Variants in ARHGDIG observed in about 807,000 individuals in gnomAD.
The protein encoded by ARHGDIG is rho GDP-dissociation inhibitor 3.
In ARHGDIG, 14 loss-of-function variants were observed where a neutral mutation model predicts 20.2. That is an observed-to-expected ratio of 0.69 (90% CI 0.46 to 1.08). The LOEUF (loss-of-function observed/expected upper bound fraction) is 1.08, where lower values mean the gene tolerates loss of function less well. ARHGDIG is among the 50% of genes least tolerant of loss of function. The pLI, the probability that ARHGDIG is intolerant of heterozygous loss-of-function variation, is 0.00. For synonymous variants in ARHGDIG, 193 were observed against 138.6 expected (o/e 1.39, Z -2.76); for missense variants, 311 against 301.8 (o/e 1.03, Z -0.23).
intron 5 of ARHGDIG, 28 bp downstream of exon 5, chr16:282,558 C>CGGGGGGGGAAAGGGGGG (rs2052298619): frequency 1.1e-5 from 14 of 1,313,258 alleles, no homozygotes; most frequent in Admixed American, 9.9e-5. Context: ...GGGAACGGGG[C>CGGGGGGGGAAAGGGGGG]GGGGGGGGGA....
chr16:282,191 C>T, intron 3 of ARHGDIG, 83 bp downstream of exon 3: 1 of 1,603,554 alleles, frequency 6.2e-7, no homozygotes, highest in South Asian at 1.1e-5. Context: ...GAGCCCTGGG[C>T]CATCACAGTC....
At chr16:282,198 A>C in intron 3 of ARHGDIG, 90 bp downstream of exon 3, 4 of 1,604,568 alleles carry the variant, frequency 2.5e-6, no homozygotes, top group Non-Finnish European at 3.4e-6. Context: ...GGGCCATCAC[A>C]GTCGCACACC....
At position 280,618 on chromosome 16, in the gene ARHGDIG, G is replaced by GGGC. The variant is rs1280915324; in HGVS notation, c.-54_-52dup. On this transcript the variant is annotated 5_prime_UTR_variant, in exon 1 of 6. Transcript: ENST00000219409. This position sits in a 1 kb window ranked among gnomAD's most constrained non-coding sequence, Gnocchi z 6.6. ...TCGCGCCGGGGCTGAGCGCCGAGCG[G>GGGC]GGCGGCGGCGGGGCGGGCGGCGGCT... 3.3e-5 allele frequency: 26 copies of GGGC among 790,756 alleles called. No individual in the cohort carries two copies. The highest frequency in any genetic ancestry group is 4.0e-5 in the Non-Finnish European group (26 of 656,758). The allele number at this position is 790,756 out of a possible 1,614,324, so 49.0% of individuals were successfully genotyped here. A position where few individuals can be genotyped will look rare whatever the true frequency, so the allele number is the denominator to read the frequency against.
At chr16:282,558 C>T (rs1411836023) in intron 5 of ARHGDIG, 28 bp downstream of exon 5, 6 of 1,313,276 alleles carry the variant, frequency 4.6e-6, no homozygotes, top group Non-Finnish European at 6.1e-6. Context: ...GGGAACGGGG[C>T]GGGGGGGGGA....
intron 3 of ARHGDIG, 26 bp from the exon 4 acceptor site, chr16:282,271 G>C: frequency 6.2e-7 from 1 of 1,612,878 alleles, no homozygotes; most frequent in Admixed American, 1.7e-5. Flanking sequence ...GGGGAGTTCC[G>C]ACCCTAGCTG....
At position 282,044 on chromosome 16, in the gene ARHGDIG, G is replaced by T. The variant is rs2052291528; in HGVS notation, c.273G>T (p.Val91=). 6.2e-7 allele frequency: 1 copy of T among 1,612,614 alleles called. No homozygotes were observed. Among genetic ancestry groups the T allele is most frequent in the Non-Finnish European group, 8.5e-7 (1 of 1,179,940 alleles). Residue 91 remains valine, a synonymous_variant, in exon 3 of 6, where the codon GTG becomes GTT. Transcript: ENST00000219409. ...PPAVDPSLPN[V]QVTRLTLLSE... ...CCTCAGACCCAAGCCTGCCCAATGT[G>T]CAGGTGACCAGGCTGACACTCCTGT...
In ARHGDIG at chr16:282,628, C is replaced by T. The variant is rs1254516855; in HGVS notation, c.492C>T (p.Val164=). ...YRRGLRVDKT[V]YMVGSYGPSA... ...CGCCCTCCCTAGTGGACAAGACCGT[C>T]TACATGGTGGGCAGCTATGGCCCGA... Residue 164 remains valine (V), a synonymous_variant, in exon 6 of 6, where the codon GTC becomes GTT. Coordinates refer to ENST00000219409, the MANE Select transcript of ARHGDIG (RefSeq NM_001176.4). 19 of 1,597,348 alleles carry T rather than the reference C, an allele frequency of 1.2e-5. No individual in the cohort carries two copies. Among genetic ancestry groups the T allele is most frequent in the Non-Finnish European group, 1.5e-5 (18 of 1,171,894 alleles).
At chr16:282,184 C>T in intron 3 of ARHGDIG, 76 bp downstream of exon 3, 1 of 1,605,342 alleles carries the variant, frequency 6.2e-7, no homozygotes, top group Non-Finnish European at 8.5e-7. Context: ...GAGTTCCGAG[C>T]CCTGGGCCAT....
At chr16:281,632 CCCTTGAGTCCCTTTGG>C in intron 1 of ARHGDIG, 98 bp from the exon 2 acceptor site, 1 of 1,256,506 alleles carries the variant, frequency 8.0e-7, no homozygotes, top group Non-Finnish European at 1.1e-6. Context: ...CCAGAGGCTT[CCCTTGAGTCCCTTTGG>C]ATAGTGGGAG....
chr16:281,521 G>T, intron 1 of ARHGDIG: 1 of 523,912 alleles, frequency 1.9e-6, no homozygotes, highest in South Asian at 3.0e-5. Flanking sequence ...CAGAGGAGCT[G>T]CAGGCCTGGC....
chr16:281,537 C>T (rs1228741291), intron 1 of ARHGDIG: 1 of 563,506 alleles, frequency 1.8e-6, no homozygotes, highest in African/African-American at 1.9e-5. Flanking sequence ...CTGGCGGTCT[C>T]TGGAGGCCCC....
In ARHGDIG at chr16:282,819, C is replaced by T; in HGVS notation, c.*5C>T. 6.3e-7 allele frequency: 1 copy of T among 1,588,914 alleles called. No individual in the cohort carries two copies. Among genetic ancestry groups the T allele is most frequent in the Non-Finnish European group, 8.5e-7 (1 of 1,170,910 alleles). ...TGCCAGGACTGGAAGGACTGAACCC[C>T]CAGTCCGTGTCTCCCCTACCTCCCT... is the stretch of plus-strand genomic sequence containing the variant. On this transcript the variant is annotated 3_prime_UTR_variant, in exon 6 of 6. Transcript: ENST00000219409.
intron 5 of ARHGDIG, 28 bp downstream of exon 5, chr16:282,558 C>CGGGGGGGGAAGGGGGG (rs2052298619): frequency 9.1e-6 from 12 of 1,313,340 alleles, no homozygotes; most frequent in East Asian, 5.9e-5. Flanking sequence ...GGGAACGGGG[C>CGGGGGGGGAAGGGGGG]GGGGGGGGGA....
chr16:280,821 C>T lies in ARHGDIG; in HGVS notation c.73+68C>T, dbSNP rs1284819134. The T allele has an allele frequency of 8.9e-7, 1 of 1,123,756 alleles. No individual in the cohort carries two copies. The highest frequency in any genetic ancestry group is 1.1e-6 in the Non-Finnish European group (1 of 893,656). 69.6% of individuals were successfully genotyped at this position (1,123,756 alleles called of 1,614,324 possible). On this transcript the variant is annotated intron_variant, in intron 1 of 5. Coordinates refer to ENST00000219409, the MANE Select transcript of ARHGDIG (RefSeq NM_001176.4). This position sits in a 1 kb window ranked among gnomAD's most constrained non-coding sequence, Gnocchi z 6.6. The stretch of plus-strand genomic sequence containing the variant: ...CCCCGGGCGGGGAGTAGCCCCTCCC[C>T]CGCGGCAACTTTGGGGGCGCGCATG...
At position 281,917 on chromosome 16, in the gene ARHGDIG, C is replaced by T. The variant is rs771042604; in HGVS notation, c.245C>T (p.Pro82Leu). ...CGGGTGCTGCTGGGGCCCCTGCCAC[C>T]GGCCGTGGGTATGGCAGGGGTCTAG... Reference protein sequence around the residue: ...YKRVLLGPLPPAVDPSLPNVQ... With the variant: ...YKRVLLGPLPLAVDPSLPNVQ... Residue 82 changes from proline (P) to leucine (L), a missense_variant, in exon 2 of 6, where the codon CCG (proline) becomes CTG (leucine). By Grantham distance (98) the Pro-to-Leu change is moderately conservative (BLOSUM62 -3). Coordinates refer to ENST00000219409, the MANE Select transcript of ARHGDIG (RefSeq NM_001176.4). 15 of 1,580,028 alleles carry T rather than the reference C, an allele frequency of 9.5e-6. No homozygotes were observed. The highest frequency in any genetic ancestry group is 3.3e-5 in the South Asian group (3 of 90,396).
intron 3 of ARHGDIG, 89 bp from the exon 4 acceptor site, chr16:282,208 C>T (rs1163688067): frequency 1.9e-6 from 3 of 1,604,538 alleles, no homozygotes; most frequent in African/African-American, 2.7e-5. Context: ...AGTCGCACAC[C>T]TCATGGGTAC....
Position 280,852 on chromosome 16 carries a change from C to G in ARHGDIG, c.73+99C>G. 2 of 731,074 alleles carry G rather than the reference C, an allele frequency of 2.7e-6. No homozygotes were observed. Among genetic ancestry groups the G allele is most frequent in the Non-Finnish European group, 3.5e-6 (2 of 565,964 alleles). The allele number at this position is 731,074 out of a possible 1,614,324, so 45.3% of individuals were successfully genotyped here. ...CAACTTTGGGGGCGCGCATGGGGAC[C>G]TCGCGGCGCCGACCCCCCGGCTGGG... On this transcript the variant is annotated intron_variant, in intron 1 of 5. Coordinates refer to ENST00000219409, the MANE Select transcript of ARHGDIG (RefSeq NM_001176.4). This position sits in a 1 kb window ranked among gnomAD's most constrained non-coding sequence, Gnocchi z 6.6.
chr16:281,827 G>T lies in ARHGDIG; in HGVS notation c.155G>T (p.Gly52Val). 1 of 1,611,998 alleles carries T rather than the reference G, an allele frequency of 6.2e-7. No individual in the cohort carries two copies. The highest frequency in any genetic ancestry group is 8.5e-7 in the Non-Finnish European group (1 of 1,179,804). Residue 52 changes from glycine to valine, a missense_variant, in exon 2 of 6, where the codon GGG becomes GTG. By Grantham distance (109) the Gly-to-Val change is moderately radical (BLOSUM62 -3). Transcript: ENST00000219409. ...GCTGTGCCCGAGTACCGGGCGCCGG[G>T]GAGGAAGAGCCTCTTGGAGATCCGG... ...DEAVPEYRAP[G>V]RKSLLEIRQL...
Position 280,774 on chromosome 16 carries a change from C to CG in ARHGDIG, c.73+27dup, listed in dbSNP as rs1025745404. ...CCGAGGTGAGCGGGCCGGGCAGGGG[C>CG]GGGGGGCTCGGCTGGTCTCAGCCCC... On this transcript the variant is annotated intron_variant, in intron 1 of 5. Coordinates refer to ENST00000219409, the MANE Select transcript of ARHGDIG (RefSeq NM_001176.4). This position sits in a 1 kb window ranked among gnomAD's most constrained non-coding sequence, Gnocchi z 6.6. 3.9e-5 allele frequency: 49 copies of CG among 1,263,874 alleles called. No homozygotes were observed. Among genetic ancestry groups the CG allele is most frequent in the Middle Eastern group, 6.3e-4 (2 of 3,186 alleles). The allele number at this position is 1,263,874 out of a possible 1,614,324, so 78.3% of individuals were successfully genotyped here.
Sources: allele counts gnomAD v4.1 joint callset, GRCh38; gene constraint gnomAD v4.1.1; non-coding constraint Gnocchi (gnomAD v3.1); transcripts MANE v1.5; gene names NCBI Gene and HGNC (gene_info 2026-07-23, HGNC 2026-07-21).